The following ZNF831 variants were observed in gnomAD, a reference collection of about 807,000 sequenced individuals.
The protein encoded by ZNF831 is zinc finger protein 831.
In ZNF831, 59 loss-of-function variants were observed where a neutral mutation model predicts 95.8. That is an observed-to-expected ratio of 0.62 (90% CI 0.50 to 0.77). The LOEUF (loss-of-function observed/expected upper bound fraction) is 0.77, where lower values mean the gene tolerates loss of function less well. Among genes scored for constraint, ZNF831 ranks in the 30% least tolerant of loss-of-function variants. The probability of loss-of-function intolerance (pLI) is 0.00; values close to 1 mark genes in which losing one functional copy is unlikely to be tolerated. For missense variants in ZNF831, 2,205 were observed against 2,164.0 expected, an observed-to-expected ratio of 1.02 and a Z score of -0.38; for synonymous variants, 961 against 925.5, an observed-to-expected ratio of 1.04 and a Z score of -0.70.
chr20:59,194,462 C>T lies in ZNF831; in HGVS notation c.3443C>T (p.Pro1148Leu). The T allele has an allele frequency of 6.2e-7, 1 of 1,613,152 alleles. No individual in the cohort carries two copies. The highest frequency in any genetic ancestry group is 8.5e-7 in the Non-Finnish European group (1 of 1,179,764). ...TRPQGVPPGWPELALSSHSGT... is the reference protein window; with the variant it reads ...TRPQGVPPGWLELALSSHSGT... ...CCTCAGGGTGTGCCCCCAGGCTGGC[C>T]AGAGCTGGCCTTGTCTTCCCACTCA... Residue 1148 changes from proline to leucine, a missense_variant, in exon 2 of 6, where the codon CCA becomes CTA. Pro to Leu is a moderately conservative substitution (Grantham distance 98). Coordinates refer to ENST00000371030, the MANE Select transcript of ZNF831 (RefSeq NM_178457.3).
chr20:59,241,765 T>A (rs1334852196), intron 4 of ZNF831, among the ~76,000 whole-genome samples: 2 of 152,230 alleles, frequency 1.3e-5, no homozygotes, highest in Non-Finnish European at 1.5e-5. Context: ...ATATTCAAAT[T>A]GACTGTTCCT....
chr20:59,191,707 G>A lies in ZNF831; in HGVS notation c.688G>A (p.Gly230Ser), dbSNP rs2146552290. ...AGEPPRPEGRGESRCQGMHEG... is the reference protein window; with the variant it reads ...AGEPPRPEGRSESRCQGMHEG... ...AGAGCCCCCCAGACCAGAGGGCAGG[G>A]GCGAGAGCAGGTGCCAGGGGATGCA... Residue 230 changes from glycine to serine, a missense_variant, in exon 2 of 6, where the codon GGC becomes AGC. Coordinates refer to ENST00000371030, the MANE Select transcript of ZNF831 (RefSeq NM_178457.3). 1 of 1,571,778 alleles carries A rather than the reference G, an allele frequency of 6.4e-7. No homozygotes were observed. Among genetic ancestry groups the A allele is most frequent in the Non-Finnish European group, 8.6e-7 (1 of 1,158,132 alleles).
chr20:59,176,031 T>C (rs773227497), intron 1 of ZNF831, among the ~76,000 whole-genome samples: 15 of 152,200 alleles, frequency 9.9e-5, no homozygotes, highest in Non-Finnish European at 1.8e-4. Flanking sequence ...TTTACTGACA[T>C]TTCCCTGTCT....
intron 2 of ZNF831, among the ~76,000 whole-genome samples, chr20:59,151,598 C>T (rs997262431): frequency 2.0e-5 from 3 of 152,182 alleles, no homozygotes; most frequent in East Asian, 1.9e-4. Flanking sequence ...TTCTGCAGGC[C>T]GGTCAGGTGA....
At chr20:59,152,758 C>T (rs569407800) in intron 2 of ZNF831, among the ~76,000 whole-genome samples, 1 of 152,116 alleles carries the variant, frequency 6.6e-6, no homozygotes, top group African/African-American at 2.4e-5. Flanking sequence ...CCCTTGGGGC[C>T]CCTGACATGG....
intron 4 of ZNF831, among the ~76,000 whole-genome samples, chr20:59,230,337 T>A (rs1204638728): frequency 6.6e-6 from 1 of 152,102 alleles, no homozygotes; most frequent in African/African-American, 2.4e-5. Flanking sequence ...CTGGGCATGG[T>A]GGCGGGTGCC....
chr20:59,176,018 G>C (rs1982126796), intron 1 of ZNF831, among the ~76,000 whole-genome samples: 1 of 152,228 alleles, frequency 6.6e-6, no homozygotes, highest in Non-Finnish European at 1.5e-5. Flanking sequence ...TTTCTGCCAG[G>C]CCTTTACTGA....
chr20:59,143,545 C>T (rs1273637339), intron 1 of ZNF831, among the ~76,000 whole-genome samples: 2 of 152,222 alleles, frequency 1.3e-5, no homozygotes, highest in African/African-American at 4.8e-5. Flanking sequence ...CCTGGCCCTA[C>T]CTGGCTCTTC....
In ZNF831 at chr20:59,252,991, A is replaced by G; in HGVS notation, c.4041A>G (p.Gln1347=). The G allele has an allele frequency of 6.2e-7, 1 of 1,613,886 alleles. No individual in the cohort carries two copies. The highest frequency in any genetic ancestry group is 1.7e-5 in the Admixed American group (1 of 60,006). Residue 1347 remains glutamine (Q), a synonymous_variant, in exon 5 of 6, where the codon CAA becomes CAG. Transcript: ENST00000371030. The part of the protein sequence containing the change: ...TSSEIAGLNL[Q]EEPSCATSES... ...CTCCCCTTGCAGGTCTGAATCTGCA[A>G]GAGGAGCCATCTTGTGCCACCTCAG...
Position 59,148,968 on chromosome 20 carries a change from C to T in ZNF831, c.-1281+2594C>T, listed in dbSNP as rs188620442. ...GGTGCAGTTGCAGCGTTCTGGGCTG[C>T]GGGCACTCGAGTTCAGCCCTGGCCA... On this transcript the variant is annotated intron_variant, in intron 2 of 7. Coordinates refer to the ZNF831 transcript ENST00000637017. Among the ~76,000 whole-genome samples, 230 of 152,254 alleles carry T rather than the reference C, an allele frequency of 1.5e-3. 1 individual carries two copies. The highest frequency in any genetic ancestry group is 0.014 in the Middle Eastern group (4 of 294).
chr20:59,154,884 T>A (rs1190585692), intron 2 of ZNF831, among the ~76,000 whole-genome samples: 2 of 152,258 alleles, frequency 1.3e-5, no homozygotes, highest in African/African-American at 4.8e-5. Context: ...TGACTCATCA[T>A]ACCACTCTAT....
chr20:59,171,230 G>A (rs565062638), intron 1 of ZNF831, among the ~76,000 whole-genome samples: 1 of 152,338 alleles, frequency 6.6e-6, no homozygotes, highest in East Asian at 1.9e-4. Flanking sequence ...ACTGCAGGAA[G>A]CCTCTTCCTC....
At chr20:59,175,839 C>A (rs1488996144) in intron 1 of ZNF831, among the ~76,000 whole-genome samples, 1 of 152,164 alleles carries the variant, frequency 6.6e-6, no homozygotes, top group Non-Finnish European at 1.5e-5. Flanking sequence ...ACATTTTGGG[C>A]ATTATGGTAT....
intron 1 of ZNF831, among the ~76,000 whole-genome samples, chr20:59,187,079 A>G (rs1212938077): frequency 6.6e-6 from 1 of 152,118 alleles, no homozygotes; most frequent in African/African-American, 2.4e-5. Flanking sequence ...GACGTTCCAC[A>G]CTGCCAGGAA....
In ZNF831 at chr20:59,192,130, G is replaced by T. The variant is rs569462392; in HGVS notation, c.1111G>T (p.Ala371Ser). ...CCTGCACAGCCTTTCGGAGCACAGC[G>T]CCGAGTCCGAGGGGGAGGGCGGCCC... ...SPLHSLSEHS[A>S]ESEGEGGPGP... The change falls in exon 2 of 6, where the codon GCC becomes TCC. Residue 371 changes from alanine to serine, a missense_variant. By Grantham distance (99) the Ala-to-Ser change is moderately conservative. Transcript: ENST00000371030. The surrounding 1 kb of genome is among the most constrained non-coding windows in gnomAD (Gnocchi z 5.2). 48 of 1,570,586 alleles carry T rather than the reference G, an allele frequency of 3.1e-5. 1 individual carries two copies. The South Asian group carries it at 5.3e-4, about 17-fold the overall frequency.
upstream of ZNF831, among the ~76,000 whole-genome samples, chr20:59,162,790 C>T (rs1980953429): frequency 6.6e-6 from 1 of 151,906 alleles, no homozygotes; most frequent in South Asian, 2.1e-4. Flanking sequence ...CTTTTTGGTT[C>T]CATATGAATT....
chr20:59,199,071 ATATCTATCTATCTATCTATC>A (rs71183162), intron 3 of ZNF831, among the ~76,000 whole-genome samples: 3,785 of 95,376 alleles, frequency 0.04, 109 homozygotes, highest in East Asian at 0.11. Flanking sequence ...ATCAACTTAC[ATATCTATCTATCTATCTATC>A]TATCTATCTA....
intron 1 of ZNF831, among the ~76,000 whole-genome samples, chr20:59,137,368 A>G (rs982228051): frequency 1.1e-4 from 16 of 151,298 alleles, no homozygotes; most frequent in African/African-American, 3.2e-4. Flanking sequence ...ATCAGTCTCT[A>G]TTTCTGTTCA....
At chr20:59,171,438 C>T (rs1981727481) in intron 1 of ZNF831, among the ~76,000 whole-genome samples, 1 of 152,244 alleles carries the variant, frequency 6.6e-6, no homozygotes, top group South Asian at 2.1e-4. Context: ...CCTTTACATG[C>T]ATGTGAACTT....
Sources: gnomAD v4.1 joint callset for allele counts (sites outside exome capture counted in the v4.1 genomes callset) on GRCh38, gnomAD v4.1.1 for gene constraint, Gnocchi (gnomAD v3.1) non-coding constraint, MANE v1.5 for transcripts, NCBI Gene and HGNC (gene_info 2026-07-23, HGNC 2026-07-21) for gene names.